MAPK8: variants seen among roughly 807,000 people sequenced by gnomAD.
MAPK8 encodes the protein mitogen-activated protein kinase 8.
In MAPK8, 13 loss-of-function variants were observed where a neutral mutation model predicts 52.9. That is an observed-to-expected ratio of 0.25 (90% CI 0.16 to 0.39). The LOEUF (loss-of-function observed/expected upper bound fraction) is 0.39. Ranked by LOEUF, MAPK8 falls within the 10% of genes least tolerant of loss-of-function variation. The probability of loss-of-function intolerance (pLI) is 1.00; values close to 1 mark genes in which losing one functional copy is unlikely to be tolerated. For synonymous variants in MAPK8, 191 were observed against 169.8 expected (o/e 1.12, Z -0.97); for missense variants, 300 against 519.2 (o/e 0.58, Z 4.10).
intron 3 of MAPK8, among the ~76,000 whole-genome samples, chr10:48,407,276 GTTTCCAA>G (rs2042524033): frequency 1.3e-5 from 2 of 152,272 alleles, no homozygotes; most frequent in South Asian, 2.1e-4. Flanking sequence ...TTATCCAGCT[GTTTCCAA>G]TTCATCATCT....
intron 1 of MAPK8, among the ~76,000 whole-genome samples, chr10:48,319,115 T>C (rs1842757960): frequency 6.6e-6 from 1 of 152,212 alleles, no homozygotes. Context: ...CTGTTACTCA[T>C]GACCCATTAG....
chr10:48,426,197 G>C, intron 8 of MAPK8, 127 bp downstream of exon 8: 1 of 986,354 alleles, frequency 1.0e-6, no homozygotes, highest in Non-Finnish European at 1.4e-6. Context: ...GGATGGTGGG[G>C]AAAAAAATGA....
chr10:48,331,829 G>T (rs1157667415), intron 1 of MAPK8, among the ~76,000 whole-genome samples: 1 of 152,128 alleles, frequency 6.6e-6, no homozygotes, highest in Non-Finnish European at 1.5e-5. Context: ...AACTCATAGG[G>T]GGATAATCCC....
At chr10:48,378,801 T>C (rs2040821746) in intron 1 of MAPK8, among the ~76,000 whole-genome samples, 1 of 152,136 alleles carries the variant, frequency 6.6e-6, no homozygotes, top group South Asian at 2.1e-4. Flanking sequence ...AATCTCACTC[T>C]GTCACTCAGG....
intron 9 of MAPK8, 176 bp downstream of exon 9, chr10:48,426,680 C>A: frequency 1.6e-6 from 1 of 622,028 alleles, no homozygotes; most frequent in Middle Eastern, 4.4e-4. Flanking sequence ...TCGAGCCCCT[C>A]CTACACAAAA....
chr10:48,394,078 T>G (rs1486297392), intron 1 of MAPK8, among the ~76,000 whole-genome samples: 1 of 151,942 alleles, frequency 6.6e-6, no homozygotes, highest in East Asian at 1.9e-4. Flanking sequence ...TAACAAAGCC[T>G]GTTTAAGAAG....
At chr10:48,388,978 G>A (rs1371985396) in intron 1 of MAPK8, among the ~76,000 whole-genome samples, 2 of 152,060 alleles carry the variant, frequency 1.3e-5, no homozygotes, top group African/African-American at 2.4e-5. Context: ...TAGTTTTTTG[G>A]GGGGAAAGGA....
In MAPK8 at chr10:48,390,558, A is replaced by C. The variant is rs568468882; in HGVS notation, c.-49-11054A>C. ...CTCTAAAGTCTGGCTATATGGTTGC[A>C]TTGAACTTATTCTTTTCTCCTTAAG... On this transcript the variant is annotated intron_variant, in intron 1 of 11. Coordinates refer to ENST00000374189, the MANE Select transcript of MAPK8 (RefSeq NM_001323329.2). 2.0e-5 allele frequency among the ~76,000 whole-genome samples: 3 copies of C among 152,320 alleles called. No homozygotes were observed. The East Asian group carries it at 5.8e-4, about 29-fold the overall frequency.
chr10:48,326,741 C>T (rs1843560038), intron 1 of MAPK8, among the ~76,000 whole-genome samples: 1 of 152,112 alleles, frequency 6.6e-6, no homozygotes, highest in Non-Finnish European at 1.5e-5. Context: ...TTAATGTCTT[C>T]AACTCTAATC....
intron 1 of MAPK8, among the ~76,000 whole-genome samples, chr10:48,362,178 T>A (rs1847593825): frequency 6.6e-6 from 1 of 152,190 alleles, no homozygotes. Context: ...AGTTGCTGTT[T>A]TTGCCTCTGT....
chr10:48,345,403 C>T (rs143561098), intron 1 of MAPK8, among the ~76,000 whole-genome samples: 3 of 152,130 alleles, frequency 2.0e-5, no homozygotes, highest in African/African-American at 7.2e-5. Context: ...AAGTATTTTG[C>T]GAAATAAATT....
intron 1 of MAPK8, among the ~76,000 whole-genome samples, chr10:48,366,726 C>T (rs1242244831): frequency 1.3e-5 from 2 of 152,156 alleles, no homozygotes; most frequent in African/African-American, 4.8e-5. Context: ...CATTTCATGG[C>T]CCATCGGTGT....
chr10:48,413,075 T>G (rs2042849185), intron 5 of MAPK8, among the ~76,000 whole-genome samples: 1 of 152,232 alleles, frequency 6.6e-6, no homozygotes, highest in South Asian at 2.1e-4. Flanking sequence ...TTATTTCACT[T>G]AGCATAATGT....
In MAPK8 at chr10:48,407,302, T is replaced by A. The variant is rs543211896; in HGVS notation, c.252+2321T>A. 7.2e-5 allele frequency among the ~76,000 whole-genome samples: 11 copies of A among 152,352 alleles called. No individual in the cohort carries two copies. In the East Asian group the frequency reaches 2.1e-3, roughly 29 times the overall value. On this transcript the variant is annotated intron_variant, in intron 3 of 11. Coordinates refer to ENST00000374189, the MANE Select transcript of MAPK8 (RefSeq NM_001323329.2). The stretch of plus-strand genomic sequence containing the variant: ...TTTCCAATTCATCATCTTATTCACA[T>A]GGATGTTATTATTAGAAACATTTTG...
chr10:48,402,627 G>A (rs2042218199), intron 2 of MAPK8, among the ~76,000 whole-genome samples: 2 of 152,136 alleles, frequency 1.3e-5, no homozygotes, highest in Admixed American at 6.5e-5. Flanking sequence ...GGAATTATAA[G>A]CCTCACTCAA....
rs569937772 is a variant in MAPK8, at chr10:48,365,531, C to T, written c.-49-36081C>T. Among the ~76,000 whole-genome samples, 28 of 152,060 alleles carry T rather than the reference C, an allele frequency of 1.8e-4. No homozygotes were observed. The East Asian group carries it at 3.5e-3, about 19-fold the overall frequency. On this transcript the variant is annotated intron_variant, in intron 1 of 11. Transcript: ENST00000374189. ...TTTTTTATGTATTATCAGATATTGCCGTCAGTACTATTACCGCATTTACAC... is the reference window on the plus strand; with the variant it reads ...TTTTTTATGTATTATCAGATATTGCTGTCAGTACTATTACCGCATTTACAC...
intron 1 of MAPK8, among the ~76,000 whole-genome samples, chr10:48,322,994 G>A (rs920063294): frequency 2.6e-5 from 4 of 152,292 alleles, no homozygotes; most frequent in African/African-American, 9.6e-5. Context: ...AAAGCGATTT[G>A]TTAGGTTGAT....
At chr10:48,312,674 A>G (rs559161150) in intron 1 of MAPK8, among the ~76,000 whole-genome samples, 38 of 152,358 alleles carry the variant, frequency 2.5e-4, no homozygotes, top group African/African-American at 9.1e-4. Flanking sequence ...CAAAGGTAAG[A>G]TAAAGAAAAG....
At chr10:48,334,277 C>T (rs1844447736) in intron 1 of MAPK8, among the ~76,000 whole-genome samples, 1 of 152,186 alleles carries the variant, frequency 6.6e-6, no homozygotes. Context: ...TTCAGTCAGT[C>T]TCTGTGTCTG....
Sources: gnomAD v4.1 joint callset for allele counts (sites outside exome capture counted in the v4.1 genomes callset) on GRCh38, gnomAD v4.1.1 for gene constraint, MANE v1.5 for transcripts, NCBI Gene and HGNC (gene_info 2026-07-23, HGNC 2026-07-21) for gene names.